The following DPPA2 variants were observed in gnomAD, a reference collection of about 807,000 sequenced individuals.
DPPA2 encodes developmental pluripotency associated 2.
Under a neutral mutation model 36.2 loss-of-function variants are expected in DPPA2, and 26 were observed. The ratio of observed to expected loss-of-function variants is 0.72; its 90% CI spans 0.53 to 1.00. DPPA2 has a LOEUF of 1.00. Among genes scored for constraint, DPPA2 ranks in the 50% least tolerant of loss-of-function variants. DPPA2 has a pLI of 0.00. For synonymous variants in DPPA2, 113 were observed against 123.2 expected (o/e 0.92, Z 0.55); for missense variants, 361 against 365.1 (o/e 0.99, Z 0.09).
chr3:109,302,311 G>A (rs1160877501), intron 7 of DPPA2, among the ~76,000 whole-genome samples: 2 of 152,110 alleles, frequency 1.3e-5, no homozygotes, highest in African/African-American at 4.8e-5. Context: ...CCACTTCTAA[G>A]ACAGCATCTT....
rs1707512085 is a variant in DPPA2 at position 109,304,447 on chromosome 3, C to CAT, written c.854+26_854+27dup. 2.5e-6 allele frequency: 4 copies of CAT among 1,568,708 alleles called. No individual in the cohort carries two copies. The African/African-American group carries it at 5.4e-5, about 21-fold the overall frequency. The stretch of plus-strand genomic sequence containing the variant: ...TCTATACACCTACTTTTCTGTGTGC[C>CAT]ATGCTTAACAAGATACATAAGGGTT... On this transcript the variant is annotated intron_variant, in intron 7 of 8. Transcript: ENST00000478945.
At chr3:109,310,537 G>A (rs565518195) in intron 3 of DPPA2, among the ~76,000 whole-genome samples, 3 of 150,040 alleles carry the variant, frequency 2.0e-5, no homozygotes, top group East Asian at 2.0e-4. Context: ...ACGGAGTTTC[G>A]CTCTATTGCC....
intron 3 of DPPA2, among the ~76,000 whole-genome samples, 154 bp downstream of exon 3, chr3:109,312,391 G>A (rs1003174449): frequency 1.3e-5 from 2 of 152,154 alleles, no homozygotes; most frequent in African/African-American, 4.8e-5. Context: ...CAAGCGAGAA[G>A]TATGAGAGTT....
intron 6 of DPPA2, among the ~76,000 whole-genome samples, chr3:109,305,416 C>G (rs1707539241): frequency 6.6e-6 from 1 of 152,138 alleles, no homozygotes; most frequent in Non-Finnish European, 1.5e-5. Context: ...GACTTACAGT[C>G]CATTTACCTA....
intron 6 of DPPA2, among the ~76,000 whole-genome samples, chr3:109,305,990 A>C (rs188226655): frequency 3.0e-4 from 45 of 152,278 alleles, no homozygotes; most frequent in Admixed American, 1.3e-3. Context: ...AATTTAATTA[A>C]GGAGACGGGA....
chr3:109,313,975 C>G (rs1274904137), intron 2 of DPPA2, among the ~76,000 whole-genome samples: 1 of 152,098 alleles, frequency 6.6e-6, no homozygotes, highest in Non-Finnish European at 1.5e-5. Context: ...TCTAGTTTCT[C>G]ATAGAGCCAG....
chr3:109,303,637 G>A (rs2107308848), intron 7 of DPPA2, among the ~76,000 whole-genome samples: 1 of 152,154 alleles, frequency 6.6e-6, no homozygotes, highest in Middle Eastern at 3.4e-3. Context: ...CCAAACTGCT[G>A]GGATTACAGG....
intron 8 of DPPA2, among the ~76,000 whole-genome samples, chr3:109,296,335 C>T (rs1280846509): frequency 6.6e-6 from 1 of 152,206 alleles, no homozygotes; most frequent in Admixed American, 6.6e-5. Flanking sequence ...TTGGACTTCT[C>T]TCCGTAAGCC....
In DPPA2 at chr3:109,309,173, G is replaced by A; in HGVS notation, c.339C>T (p.Gly113=). Residue 113 remains glycine, a synonymous_variant, in exon 4 of 9, where the codon GGC becomes GGT. Coordinates refer to ENST00000478945, the MANE Select transcript of DPPA2 (RefSeq NM_138815.4). ...ATATTCACCCAAGTGTACTAACCTT[G>A]CCATTAGTACTCAAACCGAGTTGTT... The part of the protein sequence containing the change: ...WCQQLGLSTN[G]KKIEVYLRLH... The A allele has an allele frequency of 6.2e-7, 1 of 1,614,112 alleles. No homozygotes were observed. The highest frequency in any genetic ancestry group is 8.5e-7 in the Non-Finnish European group (1 of 1,180,034).
At chr3:109,312,455 T>A in intron 3 of DPPA2, 90 bp downstream of exon 3, 1 of 1,460,968 alleles carries the variant, frequency 6.8e-7, no homozygotes, top group Non-Finnish European at 9.2e-7. Context: ...GGGTGTTGTA[T>A]AGTCAGAGGA....
chr3:109,298,634 T>C (rs1161803796), intron 8 of DPPA2, among the ~76,000 whole-genome samples: 2 of 151,844 alleles, frequency 1.3e-5, no homozygotes, highest in African/African-American at 4.8e-5. Flanking sequence ...GAGAATCGCT[T>C]GAACCTGGGA....
chr3:109,304,471 T>G lies in DPPA2; in HGVS notation c.854+4A>C. The G allele has an allele frequency of 6.2e-7, 1 of 1,605,580 alleles. No individual in the cohort carries two copies. The highest frequency in any genetic ancestry group is 8.5e-7 in the Non-Finnish European group (1 of 1,176,440). ...CCATGCTTAACAAGATACATAAGGG[T>G]TACCTCTTAGCACAGTCGGGGCATA... On this transcript the variant is annotated splice_donor_region_variant and intron_variant, in intron 7 of 8. Coordinates refer to ENST00000478945, the MANE Select transcript of DPPA2 (RefSeq NM_138815.4).
At chr3:109,305,613 A>G (rs964387057) in intron 6 of DPPA2, among the ~76,000 whole-genome samples, 3 of 152,062 alleles carry the variant, frequency 2.0e-5, no homozygotes, top group Non-Finnish European at 4.4e-5. Context: ...CATCTCTACT[A>G]AAAATACAAA....
intron 1 of DPPA2, 97 bp from the exon 2 acceptor site, chr3:109,314,652 G>T: frequency 8.3e-7 from 1 of 1,198,124 alleles, no homozygotes; most frequent in Non-Finnish European, 1.2e-6. Flanking sequence ...TCTACTTCCT[G>T]TTACCCAGAT....
chr3:109,300,156 G>T (rs1288366543), intron 8 of DPPA2, among the ~76,000 whole-genome samples: 1 of 152,156 alleles, frequency 6.6e-6, no homozygotes, highest in Non-Finnish European at 1.5e-5. Context: ...AGATGGTCAG[G>T]ACACAGCACA....
intron 8 of DPPA2, among the ~76,000 whole-genome samples, chr3:109,294,673 C>T (rs527443985): frequency 6.6e-6 from 1 of 152,280 alleles, no homozygotes; most frequent in South Asian, 2.1e-4. Context: ...CTGCACAGAG[C>T]TGAGAACTAA....
intron 8 of DPPA2, among the ~76,000 whole-genome samples, chr3:109,297,506 T>C (rs961180339): frequency 1.3e-5 from 2 of 151,596 alleles, no homozygotes; most frequent in Non-Finnish European, 2.9e-5. Flanking sequence ...CCTGGGTGAC[T>C]GCACTCTCTG....
At chr3:109,302,404 T>A (rs1169171895) in intron 7 of DPPA2, among the ~76,000 whole-genome samples, 1 of 152,204 alleles carries the variant, frequency 6.6e-6, no homozygotes, top group Non-Finnish European at 1.5e-5. Flanking sequence ...CTTTCTGAAT[T>A]ACTAATCTCT....
Position 109,312,705 on chromosome 3 carries a change from G to A in DPPA2, c.34-13C>T. On this transcript the variant is annotated splice_polypyrimidine_tract_variant and intron_variant, in intron 2 of 8. Transcript: ENST00000478945. The stretch of plus-strand genomic sequence containing the variant: ...CCTCCAAGAAATTCTGGAAAGAGAA[G>A]TCAGTCACTGATTTTCATTTGATGC... 2 of 1,612,114 alleles carry A rather than the reference G, an allele frequency of 1.2e-6. No individual in the cohort carries two copies. The highest frequency in any genetic ancestry group is 1.7e-6 in the Non-Finnish European group (2 of 1,178,532).
Sources: gnomAD v4.1 joint callset for allele counts (sites outside exome capture counted in the v4.1 genomes callset) on GRCh38, gnomAD v4.1.1 for gene constraint, MANE v1.5 for transcripts, NCBI Gene and HGNC (gene_info 2026-07-23, HGNC 2026-07-21) for gene names.